The following CYP2B6 variants were observed in gnomAD, a reference collection of about 807,000 sequenced individuals.
The protein encoded by CYP2B6 is cytochrome P450 family 2 subfamily B member 6.
A neutral mutation model predicts 43.4 loss-of-function variants in CYP2B6; 35 were observed. That is an observed-to-expected ratio of 0.81 (90% CI 0.62 to 1.07). CYP2B6 has a LOEUF of 1.07. Ranked by LOEUF, CYP2B6 falls within the 50% of genes least tolerant of loss-of-function variation. The probability of loss-of-function intolerance (pLI) is 0.00; values close to 1 mark genes in which losing one functional copy is unlikely to be tolerated. For synonymous variants in CYP2B6, 239 were observed against 239.2 expected, an observed-to-expected ratio of 1.00 and a Z score of 0.01; for missense variants, 624 against 632.8, an observed-to-expected ratio of 0.99 and a Z score of 0.15.
chr19:41,006,518 A>T lies in CYP2B6; in HGVS notation c.485-387A>T, dbSNP rs1001990769. Among the ~76,000 whole-genome samples, 4 of 151,912 alleles carry T rather than the reference A, an allele frequency of 2.6e-5. No homozygotes were observed. The Middle Eastern group carries it at 0.014, about 517-fold the overall frequency. ...ACTCTGCCCAGCCCCTATCCCTGGG[A>T]TTTAACTGTACTCACTCCCAGAGTC... On this transcript the variant is annotated intron_variant, in intron 3 of 8. Transcript: ENST00000324071.
chr19:41,012,699 G>A lies in CYP2B6; in HGVS notation c.1178G>A (p.Ser393Asn). ...GACACAGAAGTATTTCTCATCCTGAGCACTGCTCTCCATGACCCACACTAC... is the reference window on the plus strand; with the variant it reads ...GACACAGAAGTATTTCTCATCCTGAACACTGCTCTCCATGACCCACACTAC... ...PKDTEVFLIL[S>N]TALHDPHYFE... Residue 393 changes from serine (S) to asparagine (N), a missense_variant, in exon 8 of 9, where the codon AGC (serine) becomes AAC (asparagine). Coordinates refer to ENST00000324071, the MANE Select transcript of CYP2B6 (RefSeq NM_000767.5). 6.2e-7 allele frequency: 1 copy of A among 1,614,036 alleles called. No homozygotes were observed.
intron 1 of CYP2B6, among the ~76,000 whole-genome samples, chr19:40,997,542 T>A (rs7251624): frequency 0.31 from 46,389 of 151,946 alleles, 7,733 homozygotes; most frequent in African/African-American, 0.41. Context: ...TATGAATTTT[T>A]AAATTATTTG....
At chr19:41,016,399 C>CAAAAAAAAAAAAA (rs869180190) in intron 8 of CYP2B6, among the ~76,000 whole-genome samples, 3 of 76,854 alleles carry the variant, frequency 3.9e-5, no homozygotes, top group Non-Finnish European at 5.5e-5. Context: ...GACTCCATCT[C>CAAAAAAAAAAAAA]AAAAAAAAAA....
At chr19:40,997,852 C>G (rs530213239) in intron 1 of CYP2B6, among the ~76,000 whole-genome samples, 1 of 152,090 alleles carries the variant, frequency 6.6e-6, no homozygotes, top group Non-Finnish European at 1.5e-5. Flanking sequence ...GTAATCCCAA[C>G]ACTTTGGGAG....
intron 3 of CYP2B6, among the ~76,000 whole-genome samples, chr19:41,006,325 ATTTT>A (rs35039672): frequency 1.7e-3 from 207 of 118,524 alleles, no homozygotes; most frequent in African/African-American, 6.6e-3. Flanking sequence ...GTCTAGCTAC[ATTTT>A]TTTTTTTTTT....
At chr19:41,005,540 G>A (rs1395855397) in intron 3 of CYP2B6, among the ~76,000 whole-genome samples, 1 of 152,054 alleles carries the variant, frequency 6.6e-6, no homozygotes, top group Non-Finnish European at 1.5e-5. Context: ...CAGCACTTTG[G>A]GAGGCTGAGG....
intron 5 of CYP2B6, chr19:41,009,597 G>A (rs1337411171): frequency 1.5e-6 from 1 of 645,768 alleles, no homozygotes; most frequent in Non-Finnish European, 2.7e-6. Flanking sequence ...TAGGGAGGAG[G>A]AACTGAGACA....
intron 1 of CYP2B6, among the ~76,000 whole-genome samples, chr19:40,992,450 T>C (rs1376664500): frequency 6.6e-6 from 1 of 152,046 alleles, no homozygotes; most frequent in African/African-American, 2.4e-5. Context: ...TACCTTTTCT[T>C]CATGTTTTTG....
intron 8 of CYP2B6, among the ~76,000 whole-genome samples, chr19:41,016,062 A>G (rs181741473): frequency 2.0e-5 from 3 of 151,736 alleles, no homozygotes; most frequent in African/African-American, 7.3e-5. Context: ...GGTTTCACCA[A>G]CCCTTTGGAA....
rs997719203 is a variant in CYP2B6, at chr19:41,017,831, A to G, written c.*1004A>G. 8.0e-5 allele frequency: 12 copies of G among 150,162 alleles called. No individual in the cohort carries two copies. The highest frequency in any genetic ancestry group is 2.2e-4 in the African/African-American group (9 of 40,660). 9.3% of individuals were successfully genotyped at this position (150,162 alleles called of 1,614,324 possible). On this transcript the variant is annotated 3_prime_UTR_variant, in exon 9 of 9. Transcript: ENST00000324071. ...GACTTACCAATTCTGAATATTTCCC[A>G]TAAACAGAATCATACAATATTTGAT...
chr19:41,015,799 C>G (rs3786548), intron 8 of CYP2B6, among the ~76,000 whole-genome samples: 30,869 of 136,888 alleles, frequency 0.23, 4,478 homozygotes, highest in East Asian at 0.38. Context: ...ATACCCCACA[C>G]ATACCCCAGA....
At chr19:40,999,529 T>C (rs1969049508) in intron 1 of CYP2B6, among the ~76,000 whole-genome samples, 1 of 152,122 alleles carries the variant, frequency 6.6e-6, no homozygotes, top group Non-Finnish European at 1.5e-5. Context: ...TGCCTAGGTT[T>C]TCTTCTAGGG....
At chr19:41,011,043 G>A (rs536049819) in intron 6 of CYP2B6, among the ~76,000 whole-genome samples, 12 of 136,214 alleles carry the variant, frequency 8.8e-5, no homozygotes. Context: ...TCATTTATTT[G>A]GATTACTTGA....
intron 1 of CYP2B6, among the ~76,000 whole-genome samples, chr19:41,001,987 C>T (rs1484977490): frequency 1.3e-5 from 2 of 151,348 alleles, no homozygotes; most frequent in Non-Finnish European, 2.9e-5. Flanking sequence ...GTGGAAGGCA[C>T]TAGAAGGAGG....
intron 1 of CYP2B6, among the ~76,000 whole-genome samples, chr19:40,999,276 T>C (rs1160633656): frequency 1.3e-5 from 2 of 152,020 alleles, no homozygotes; most frequent in South Asian, 4.2e-4. Context: ...GGGGTTGTTT[T>C]TTTCTTGTAA....
intron 1 of CYP2B6, among the ~76,000 whole-genome samples, chr19:40,997,372 C>G (rs1485083475): frequency 6.6e-6 from 1 of 152,092 alleles, no homozygotes; most frequent in Non-Finnish European, 1.5e-5. Flanking sequence ...AGAACACTGA[C>G]AATACCTTCC....
chr19:41,012,501 AC>A lies in CYP2B6; in HGVS notation c.1152+20del, dbSNP rs1969301013. On this transcript the variant is annotated intron_variant, in intron 7 of 8. Transcript: ENST00000324071. The stretch of plus-strand genomic sequence containing the variant: ...CATCCCCAAGGTAAGACCGGCTGGA[AC>A]CCCATAGCCCTCCTGTTTGGGCATC... 1 of 1,614,096 alleles carries A rather than the reference AC, an allele frequency of 6.2e-7. No homozygotes were observed. The highest frequency in any genetic ancestry group is 8.5e-7 in the Non-Finnish European group (1 of 1,179,990).
Position 41,009,977 on chromosome 19 carries a change from C to G in CYP2B6, c.823-17C>G. On this transcript the variant is annotated splice_polypyrimidine_tract_variant and intron_variant, in intron 5 of 8. Transcript: ENST00000324071. ...GCCTCCCCTGACCCTCCCCTTCCTT[C>G]CCTACTGTGGACGCAGGAGAAATCC... 1 of 1,614,032 alleles carries G rather than the reference C, an allele frequency of 6.2e-7. No individual in the cohort carries two copies. The highest frequency in any genetic ancestry group is 8.5e-7 in the Non-Finnish European group (1 of 1,179,996).
intron 6 of CYP2B6, among the ~76,000 whole-genome samples, 161 bp downstream of exon 6, chr19:41,010,296 G>A (rs529181274): frequency 1.6e-4 from 25 of 152,216 alleles, no homozygotes; most frequent in Admixed American, 6.5e-4. Context: ...TTCTGTTGGT[G>A]GATGCATGGA....
Sources: gnomAD v4.1 joint callset for allele counts (sites outside exome capture counted in the v4.1 genomes callset) on GRCh38, gnomAD v4.1.1 for gene constraint, MANE v1.5 for transcripts, NCBI Gene and HGNC (gene_info 2026-07-23, HGNC 2026-07-21) for gene names.